NOX4: variants seen among roughly 807,000 people sequenced by gnomAD.
NOX4 encodes the protein kidney oxidase-1.
Under a neutral mutation model 87.6 loss-of-function variants are expected in NOX4, and 69 were observed. That is an observed-to-expected ratio of 0.79 (90% CI 0.65 to 0.96). The LOEUF (loss-of-function observed/expected upper bound fraction) is 0.96, where lower values mean the gene tolerates loss of function less well. Among genes scored for constraint, NOX4 ranks in the 40% least tolerant of loss-of-function variants. NOX4 has a pLI of 0.00. For synonymous variants in NOX4, 275 were observed against 238.2 expected (o/e 1.15, Z -1.42); for missense variants, 680 against 681.5 (o/e 1.00, Z 0.02).
chr11:89,540,429 A>ATT, the NOX4 span, among the ~76,000 whole-genome samples: 34 of 150,120 alleles, frequency 2.3e-4, no homozygotes, highest in East Asian at 2.2e-3. Context: ...TTCAAAAGCC[A>ATT]TTTTTTTTTC....
chr11:89,424,370 T>TAAGATATATATA (rs1943256832), intron 7 of NOX4, among the ~76,000 whole-genome samples: 1 of 149,966 alleles, frequency 6.7e-6, no homozygotes, highest in Admixed American at 6.6e-5. Context: ...AACCTAATAA[T>TAAGATATATATA]TACCATTATT....
rs772357142 is a variant in NOX4, at chr11:89,355,230, G to GTA, written c.1136-189_1136-188dup. Reference sequence around the variant, plus strand: ...ACATAGTGTATGTATGTGTGTGTGTGTATATATATATAGATGGATTATAAT... The same window carrying GTA: ...ACATAGTGTATGTATGTGTGTGTGTGTATATATATATATAGATGGATTATAAT... On this transcript the variant is annotated intron_variant, in intron 12 of 17. Transcript: ENST00000263317. Among the ~76,000 whole-genome samples, 617 of 149,144 alleles carry GTA rather than the reference G, an allele frequency of 4.1e-3. 14 individuals are homozygous for GTA. Among genetic ancestry groups the GTA allele is most frequent in the East Asian group, 0.032 (162 of 5,116 alleles).
At chr11:89,334,484 AG>A (rs1945613749) in intron 17 of NOX4, among the ~76,000 whole-genome samples, 1 of 151,756 alleles carries the variant, frequency 6.6e-6, no homozygotes, top group African/African-American at 2.4e-5. Flanking sequence ...TTTGCTTCCC[AG>A]CCTCCATTCT....
At chr11:89,577,064 G>C in the NOX4 span, 1 of 151,964 alleles carries the variant, frequency 6.6e-6, no homozygotes, top group Admixed American at 6.6e-5. Flanking sequence ...CCTGTTAAGG[G>C]TCCCAATTTC....
the NOX4 span, among the ~76,000 whole-genome samples, chr11:89,520,973 C>T: frequency 4.3e-4 from 66 of 152,056 alleles, 2 homozygotes; most frequent in South Asian, 0.012. Context: ...CCTAGGAATA[C>T]GTCTAAGTAA....
chr11:89,439,055 ATAC>A (rs376457220), intron 6 of NOX4, among the ~76,000 whole-genome samples: 171 of 133,642 alleles, frequency 1.3e-3, no homozygotes, highest in South Asian at 8.8e-3. Flanking sequence ...ACTAATAATA[ATAC>A]TACTAATAGT....
the NOX4 span, among the ~76,000 whole-genome samples, chr11:89,587,593 G>A: frequency 4.6e-5 from 7 of 151,970 alleles, no homozygotes; most frequent in African/African-American, 1.4e-4. Flanking sequence ...GAAAAGAGAA[G>A]CAAAATGTCT....
At chr11:89,386,721 A>T (rs1311713680) in intron 11 of NOX4, among the ~76,000 whole-genome samples, 1 of 152,084 alleles carries the variant, frequency 6.6e-6, no homozygotes, top group Non-Finnish European at 1.5e-5. Flanking sequence ...GTTTTTACCT[A>T]AATCAATCTG....
the NOX4 span, among the ~76,000 whole-genome samples, chr11:89,522,919 G>A: frequency 1.3e-5 from 2 of 152,024 alleles, no homozygotes; most frequent in South Asian, 2.1e-4. Flanking sequence ...GGTCTCATTC[G>A]GTGTTTCACC....
chr11:89,420,263 T>C (rs1943012917), intron 8 of NOX4, among the ~76,000 whole-genome samples: 1 of 152,162 alleles, frequency 6.6e-6, no homozygotes, highest in African/African-American at 2.4e-5. Context: ...TAACATAAAG[T>C]ATGTGAAGCA....
At chr11:89,417,191 A>G (rs1381700847) in intron 8 of NOX4, among the ~76,000 whole-genome samples, 2 of 152,130 alleles carry the variant, frequency 1.3e-5, no homozygotes, top group Admixed American at 1.3e-4. Flanking sequence ...ATTTCTTCGA[A>G]AGGAGCTGGG....
chr11:89,529,373 C>A, the NOX4 span, among the ~76,000 whole-genome samples: 15 of 152,144 alleles, frequency 9.9e-5, no homozygotes, highest in African/African-American at 2.9e-4. Context: ...TAACTAAAAC[C>A]AAACTGGATG....
At chr11:89,437,584 G>A (rs1944142306) in intron 6 of NOX4, among the ~76,000 whole-genome samples, 2 of 151,876 alleles carry the variant, frequency 1.3e-5, no homozygotes, top group African/African-American at 4.8e-5. Context: ...ATGTGAGAAT[G>A]GGCCACCAAA....
intron 8 of NOX4, among the ~76,000 whole-genome samples, chr11:89,418,952 A>T (rs1448834495): frequency 6.6e-6 from 1 of 152,040 alleles, no homozygotes; most frequent in African/African-American, 2.4e-5. Context: ...TCATCACCTC[A>T]TCTTTGAAGC....
chr11:89,424,098 G>C lies in NOX4; in HGVS notation c.549-2116C>G, dbSNP rs76006840. Reference sequence around the variant, plus strand: ...AAAAAAATATATATATAATAATTAAGGAAGAACTATATCTTTATAGTACAC... The same window carrying C: ...AAAAAAATATATATATAATAATTAACGAAGAACTATATCTTTATAGTACAC... On this transcript the variant is annotated intron_variant, in intron 7 of 17. Transcript: ENST00000263317. 9.2e-3 allele frequency among the ~76,000 whole-genome samples: 1,399 copies of C among 151,348 alleles called. 20 individuals carry two copies. The highest frequency in any genetic ancestry group is 0.033 in the African/African-American group (1,349 of 41,318).
intron 8 of NOX4, among the ~76,000 whole-genome samples, chr11:89,418,962 C>A (rs923650079): frequency 2.0e-5 from 3 of 151,952 alleles, no homozygotes; most frequent in African/African-American, 7.2e-5. Flanking sequence ...ATCTTTGAAG[C>A]CTAATATTTT....
the NOX4 span, among the ~76,000 whole-genome samples, chr11:89,547,312 G>T: frequency 6.6e-6 from 1 of 152,166 alleles, no homozygotes; most frequent in Admixed American, 6.5e-5. Flanking sequence ...GATTAATGAG[G>T]TACAGTAAAT....
the NOX4 span, among the ~76,000 whole-genome samples, chr11:89,582,395 A>C: frequency 6.6e-6 from 1 of 152,142 alleles, no homozygotes; most frequent in East Asian, 1.9e-4. Flanking sequence ...CATTGAATAT[A>C]TACCCAGAAG....
intron 12 of NOX4, among the ~76,000 whole-genome samples, chr11:89,360,124 G>T (rs930483144): frequency 6.6e-6 from 1 of 151,952 alleles, no homozygotes; most frequent in Non-Finnish European, 1.5e-5. Context: ...ACCCCAAAAA[G>T]GGTCAATAAG....
Sources: allele counts gnomAD v4.1 joint callset (sites outside exome capture counted in the v4.1 genomes callset), GRCh38; gene constraint gnomAD v4.1.1; transcripts MANE v1.5; gene names NCBI Gene and HGNC (gene_info 2026-07-23, HGNC 2026-07-21).